The following PHACTR3 variants were observed in gnomAD, a reference collection of about 807,000 sequenced individuals.
PHACTR3 encodes protein phosphatase 1, regulatory subunit 123.
PHACTR3 carries 16 observed loss-of-function variants against 66.8 expected under a neutral mutation model. The observed-to-expected ratio is 0.24, with a 90% CI of 0.16 to 0.36. The LOEUF is 0.36. PHACTR3 is among the 10% of genes least tolerant of loss of function. The pLI is 1.00. For missense variants in PHACTR3, 647 were observed against 719.9 expected (o/e 0.90, Z 1.16); for synonymous variants, 323 against 292.1 (o/e 1.11, Z -1.08).
At chr20:59,663,519 G>A (rs1388466288) in intron 1 of PHACTR3, among the ~76,000 whole-genome samples, 1 of 152,218 alleles carries the variant, frequency 6.6e-6, no homozygotes, top group East Asian at 1.9e-4. Flanking sequence ...GACTGAAAAT[G>A]TTTCGGTTCA....
At chr20:59,639,357 C>A (rs1314628709) in intron 1 of PHACTR3, among the ~76,000 whole-genome samples, 1 of 152,048 alleles carries the variant, frequency 6.6e-6, no homozygotes, top group East Asian at 1.9e-4. Context: ...ATGAGCATTT[C>A]CCACCTGTCT....
At chr20:59,622,139 TC>T (rs1208231534) in intron 1 of PHACTR3, among the ~76,000 whole-genome samples, 1 of 150,200 alleles carries the variant, frequency 6.7e-6, no homozygotes, top group African/African-American at 2.5e-5. Context: ...TGTGGGTACT[TC>T]CCCTGATTTT....
At chr20:59,767,161 A>T in intron 4 of PHACTR3, 25 bp from the exon 5 acceptor site, 1 of 1,612,978 alleles carries the variant, frequency 6.2e-7, no homozygotes, top group Non-Finnish European at 8.5e-7. Flanking sequence ...CATGTTTTTA[A>T]CTCTCTGCTT....
At chr20:59,608,151 CTTG>C (rs745796446) in intron 1 of PHACTR3, among the ~76,000 whole-genome samples, 200 of 152,300 alleles carry the variant, frequency 1.3e-3, no homozygotes, top group Admixed American at 2.5e-3. Flanking sequence ...CAAATGGTTT[CTTG>C]TTGTGTTAAT....
At chr20:59,847,024 T>C (rs2059163669) in intron 12 of PHACTR3, 91 bp from the exon 13 acceptor site, 2 of 880,804 alleles carry the variant, frequency 2.3e-6, no homozygotes, top group Non-Finnish European at 3.6e-6. Context: ...ATCTTTTTAA[T>C]AGCAGCAAAT....
At chr20:59,610,754 T>C (rs1034030383) in intron 1 of PHACTR3, among the ~76,000 whole-genome samples, 80 of 152,154 alleles carry the variant, frequency 5.3e-4, no homozygotes, top group African/African-American at 1.8e-3. Flanking sequence ...TTGCCTGTGG[T>C]CCTTTTGGCT....
chr20:59,703,656 T>C (rs1053376857), intron 1 of PHACTR3, among the ~76,000 whole-genome samples: 10 of 152,106 alleles, frequency 6.6e-5, no homozygotes, highest in Admixed American at 6.5e-4. Flanking sequence ...ATAGTTCTTC[T>C]AGATATCATT....
At chr20:59,600,252 A>G (rs2033437687), upstream of PHACTR3, among the ~76,000 whole-genome samples, 1 of 152,202 alleles carries the variant, frequency 6.6e-6, no homozygotes, top group Non-Finnish European at 1.5e-5. Flanking sequence ...CAGATGAGGC[A>G]TGCTGCACTC....
chr20:59,604,189 C>T (rs911175189), upstream of PHACTR3, among the ~76,000 whole-genome samples: 3 of 152,072 alleles, frequency 2.0e-5, no homozygotes, highest in Admixed American at 6.5e-5. Flanking sequence ...CCGGGGTGGG[C>T]GCGTCGGGAC....
chr20:59,754,508 A>G (rs2039714223), intron 3 of PHACTR3, among the ~76,000 whole-genome samples: 1 of 152,208 alleles, frequency 6.6e-6, no homozygotes, highest in Non-Finnish European at 1.5e-5. Flanking sequence ...CCACCTTGCC[A>G]GGGTTTATTA....
rs149582515 is a variant in PHACTR3, at chr20:59,778,027, G to A, written c.1174+3537G>A. Among the ~76,000 whole-genome samples, 248 of 152,288 alleles carry A rather than the reference G, an allele frequency of 1.6e-3. 2 individuals are homozygous for A. The highest frequency in any genetic ancestry group is 5.8e-3 in the African/African-American group (242 of 41,556). On this transcript the variant is annotated intron_variant, in intron 7 of 12. Transcript: ENST00000371015. ...TCAATACATCTAAGCCTCCTGTGAA[G>A]CTTTTGGCTTTGTGCTGATGTCCGG...
chr20:59,579,547 G>A (rs1340646536), intron 1 of PHACTR3, among the ~76,000 whole-genome samples: 1 of 152,212 alleles, frequency 6.6e-6, no homozygotes, highest in Admixed American at 6.5e-5. Context: ...GTTTGGGGAG[G>A]TGGCCCATGG....
intron 1 of PHACTR3, among the ~76,000 whole-genome samples, chr20:59,655,108 G>A (rs187122145): frequency 2.0e-5 from 3 of 152,112 alleles, no homozygotes; most frequent in African/African-American, 7.2e-5. Flanking sequence ...GAAATTGCTG[G>A]AACATAGGGT....
At chr20:59,617,305 T>C (rs1568936633) in intron 1 of PHACTR3, among the ~76,000 whole-genome samples, 2 of 152,156 alleles carry the variant, frequency 1.3e-5, no homozygotes, top group Admixed American at 6.5e-5. Context: ...AACAAAGAGT[T>C]CCATGATGGC....
intron 1 of PHACTR3, among the ~76,000 whole-genome samples, chr20:59,681,406 A>C (rs1601088999): frequency 6.6e-6 from 1 of 152,192 alleles, no homozygotes; most frequent in African/African-American, 2.4e-5. Flanking sequence ...AAAATTTGTA[A>C]AACATTTTGA....
intron 7 of PHACTR3, among the ~76,000 whole-genome samples, chr20:59,796,169 T>C (rs1007497073): frequency 6.6e-6 from 1 of 152,080 alleles, no homozygotes. Context: ...ATATAAAAAA[T>C]TATAAAGTTA....
chr20:59,753,757 C>T (rs1025545429), intron 3 of PHACTR3, among the ~76,000 whole-genome samples: 5 of 152,188 alleles, frequency 3.3e-5, no homozygotes, highest in Non-Finnish European at 7.3e-5. Flanking sequence ...CACAAAACAC[C>T]GTTTGCAGGT....
intron 7 of PHACTR3, among the ~76,000 whole-genome samples, chr20:59,802,287 T>A (rs1311304469): frequency 6.6e-6 from 1 of 152,014 alleles, no homozygotes; most frequent in Non-Finnish European, 1.5e-5. Flanking sequence ...AGGAAGCAAA[T>A]GTGGACAGAG....
At chr20:59,587,729 G>A (rs1163274096) in intron 1 of PHACTR3, among the ~76,000 whole-genome samples, 2 of 152,130 alleles carry the variant, frequency 1.3e-5, no homozygotes, top group African/African-American at 4.8e-5. Flanking sequence ...CTTGCTGGCT[G>A]TCAGCTGGAG....
Sources: gnomAD v4.1 joint callset for allele counts (sites outside exome capture counted in the v4.1 genomes callset) on GRCh38, gnomAD v4.1.1 for gene constraint, MANE v1.5 for transcripts, NCBI Gene and HGNC (gene_info 2026-07-23, HGNC 2026-07-21) for gene names.